PPP1R13B: variants seen among roughly 807,000 people sequenced by gnomAD.
PPP1R13B encodes protein phosphatase 1 regulatory subunit 13B.
Under a neutral mutation model 119.8 loss-of-function variants are expected in PPP1R13B, and 44 were observed. The ratio of observed to expected loss-of-function variants is 0.37; its 90% CI spans 0.29 to 0.47. PPP1R13B has a LOEUF of 0.47. Ranked by LOEUF, PPP1R13B falls within the 20% of genes least tolerant of loss-of-function variation. The pLI, the probability that PPP1R13B is intolerant of heterozygous loss-of-function variation, is 0.99. For missense variants in PPP1R13B, 1,227 were observed against 1,413.5 expected (o/e 0.87, Z 2.12); for synonymous variants, 542 against 561.5 (o/e 0.97, Z 0.49).
intron 9 of PPP1R13B, among the ~76,000 whole-genome samples, chr14:103,743,303 C>T (rs986797213): frequency 6.6e-6 from 1 of 152,214 alleles, no homozygotes; most frequent in African/African-American, 2.4e-5. Context: ...ATAAAAATTT[C>T]TGCCCTCTAA....
intron 1 of PPP1R13B, among the ~76,000 whole-genome samples, chr14:103,838,054 G>T (rs181228223): frequency 6.6e-6 from 1 of 151,696 alleles, no homozygotes; most frequent in Non-Finnish European, 1.5e-5. Flanking sequence ...AGGAGGCGAA[G>T]GTTGCAGTGA....
intron 3 of PPP1R13B, among the ~76,000 whole-genome samples, chr14:103,780,193 T>C (rs1051907273): frequency 1.9e-4 from 28 of 145,136 alleles, no homozygotes; most frequent in African/African-American, 6.1e-4. Flanking sequence ...CAAAAGGCAT[T>C]TGCATTTTAG....
intron 4 of PPP1R13B, among the ~76,000 whole-genome samples, chr14:103,767,613 G>T (rs1453787831): frequency 1.3e-5 from 2 of 151,990 alleles, no homozygotes; most frequent in African/African-American, 4.8e-5. Flanking sequence ...AATCCCACAA[G>T]ATTAATCTGA....
intron 1 of PPP1R13B, among the ~76,000 whole-genome samples, chr14:103,843,622 T>C (rs1371014762): frequency 1.3e-5 from 2 of 152,122 alleles, no homozygotes; most frequent in East Asian, 1.9e-4. Flanking sequence ...AAAATACTAT[T>C]TTCATAAGGG....
chr14:103,842,602 C>T (rs932608631), intron 1 of PPP1R13B, among the ~76,000 whole-genome samples: 3 of 151,772 alleles, frequency 2.0e-5, no homozygotes, highest in Admixed American at 2.0e-4. Flanking sequence ...CATACCAAGC[C>T]CAGAGTACCT....
intron 1 of PPP1R13B, among the ~76,000 whole-genome samples, chr14:103,812,620 T>C (rs1190287464): frequency 1.3e-5 from 2 of 152,072 alleles, no homozygotes; most frequent in Non-Finnish European, 2.9e-5. Context: ...TGTTTCACCA[T>C]GTTGGCCAGG....
chr14:103,789,859 G>T (rs1461839703), intron 2 of PPP1R13B, among the ~76,000 whole-genome samples: 1 of 151,944 alleles, frequency 6.6e-6, no homozygotes, highest in African/African-American at 2.4e-5. Context: ...GCTTTATATT[G>T]TATTAGTGTT....
At chr14:103,838,044 A>G (rs1272499349) in intron 1 of PPP1R13B, among the ~76,000 whole-genome samples, 2 of 151,646 alleles carry the variant, frequency 1.3e-5, no homozygotes. Context: ...GCTTGAACCT[A>G]GGAGGCGAAG....
chr14:103,751,231 T>TA (rs1324961574), intron 7 of PPP1R13B, among the ~76,000 whole-genome samples: 1 of 152,216 alleles, frequency 6.6e-6, no homozygotes, highest in Non-Finnish European at 1.5e-5. Flanking sequence ...ATGACATCCT[T>TA]ATATTACACT....
chr14:103,779,691 TGAG>T (rs900969797), intron 3 of PPP1R13B, among the ~76,000 whole-genome samples: 5 of 151,476 alleles, frequency 3.3e-5, no homozygotes, highest in Non-Finnish European at 7.4e-5. Context: ...CTCACGAGGC[TGAG>T]GAGAATAGCT....
intron 4 of PPP1R13B, among the ~76,000 whole-genome samples, chr14:103,776,186 G>GAGGA (rs1307197386): frequency 0.068 from 5,122 of 75,702 alleles, 335 homozygotes; most frequent in Middle Eastern, 0.14. Flanking sequence ...GGGAGGGAGG[G>GAGGA]AGGAAGGAAG....
rs2295142 is a variant in PPP1R13B at position 103,742,663 on chromosome 14, C to T, written c.1311G>A (p.Thr437=). The change falls in exon 10 of 17, where the codon ACG becomes ACA. Residue 437 remains threonine, a synonymous_variant. Coordinates refer to ENST00000202556, the MANE Select transcript of PPP1R13B (RefSeq NM_015316.3). The surrounding 1 kb of genome is among the most constrained non-coding windows in gnomAD (Gnocchi z 4.9). ...QPVPFSALGP[T]EKPGIEIGKV... ...AAAGACACAGGCCTACCGGCTTCTC[C>T]GTGGGTCCCAGTGCTGAGAAGGGCA... 33 of 1,613,560 alleles carry T rather than the reference C, an allele frequency of 2.0e-5. No individual in the cohort carries two copies. The East Asian group carries it at 2.7e-4, about 13-fold the overall frequency.
At chr14:103,747,243 A>G (rs2084408690) in intron 8 of PPP1R13B, 1 of 152,174 alleles carries the variant, frequency 6.6e-6, no homozygotes, top group Admixed American at 6.5e-5. Context: ...AACCCCTGTG[A>G]TTGTAAGATT....
intron 1 of PPP1R13B, among the ~76,000 whole-genome samples, chr14:103,819,429 T>G (rs1234625524): frequency 6.6e-6 from 1 of 150,490 alleles, no homozygotes; most frequent in African/African-American, 2.5e-5. Flanking sequence ...CCCAGGAGTC[T>G]GAGGCTGCAG....
At chr14:103,735,279 C>T (rs972484867) in intron 16 of PPP1R13B, 84 bp from the exon 17 acceptor site, 3 of 1,385,738 alleles carry the variant, frequency 2.2e-6, no homozygotes, top group East Asian at 2.3e-5. Flanking sequence ...CTCCTCACCT[C>T]AGCCACCCTG....
intron 1 of PPP1R13B, chr14:103,818,473 T>C (rs965011081): frequency 4.2e-5 from 41 of 977,330 alleles, no homozygotes; most frequent in Middle Eastern, 5.2e-4. Context: ...GTTAATATTG[T>C]CAGGTACCTG....
chr14:103,766,444 G>A (rs940389212), intron 4 of PPP1R13B, among the ~76,000 whole-genome samples: 6 of 152,126 alleles, frequency 3.9e-5, no homozygotes, highest in Admixed American at 2.0e-4. Flanking sequence ...CTGACAGCAA[G>A]CAGGCACTCT....
Position 103,818,361 on chromosome 14 carries a change from T to C in PPP1R13B, c.10-20843A>G, listed in dbSNP as rs1002179168. ...CCATCCCTTTTGAAGACACTACTGA[T>C]TAAAACATTAGGCTGCATATGAGTT... On this transcript the variant is annotated intron_variant, in intron 1 of 16. Coordinates refer to ENST00000202556, the MANE Select transcript of PPP1R13B (RefSeq NM_015316.3). 1.6e-5 allele frequency: 8 copies of C among 492,746 alleles called. No homozygotes were observed. In the South Asian group the frequency reaches 6.1e-4, roughly 37 times the overall value. The allele number at this position is 492,746 out of a possible 1,614,324, so 30.5% of individuals were successfully genotyped here.
intron 9 of PPP1R13B, among the ~76,000 whole-genome samples, chr14:103,744,276 C>A (rs1249813588): frequency 6.6e-6 from 1 of 152,226 alleles, no homozygotes; most frequent in Non-Finnish European, 1.5e-5. Flanking sequence ...GAACAATTAT[C>A]TTTTAGTATG....
Sources: gnomAD v4.1 joint callset for allele counts (sites outside exome capture counted in the v4.1 genomes callset) on GRCh38, gnomAD v4.1.1 for gene constraint, Gnocchi (gnomAD v3.1) non-coding constraint, MANE v1.5 for transcripts, NCBI Gene and HGNC (gene_info 2026-07-23, HGNC 2026-07-21) for gene names.